Variants in MLXIP observed in about 807,000 individuals in gnomAD.
MLXIP encodes the protein MLX interacting protein.
In MLXIP, 30 loss-of-function variants were observed where a neutral mutation model predicts 87.2. The observed-to-expected ratio is 0.34, with a 90% CI of 0.26 to 0.47. The LOEUF is 0.47. MLXIP is among the 20% of genes least tolerant of loss of function. The probability of loss-of-function intolerance (pLI) is 1.00; values close to 1 mark genes in which losing one functional copy is unlikely to be tolerated. For missense variants in MLXIP, 1,002 were observed against 1,240.1 expected (o/e 0.81, Z 2.88); for synonymous variants, 530 against 514.0 (o/e 1.03, Z -0.42).
chr12:122,141,093 G>A lies in MLXIP; in HGVS notation c.2638+10G>A. 6.2e-7 allele frequency: 1 copy of A among 1,604,114 alleles called. No individual in the cohort carries two copies. The highest frequency in any genetic ancestry group is 8.5e-7 in the Non-Finnish European group (1 of 1,176,530). On this transcript the variant is annotated intron_variant, in intron 16 of 16. Transcript: ENST00000319080. The stretch of plus-strand genomic sequence containing the variant: ...CCCATCCTCAGGCCGAGTGAGTGGG[G>A]CAGTGCCAGGGTGGGGGGCTTCATG...
chr12:122,085,836 G>A (rs893209733), intron 1 of MLXIP, among the ~76,000 whole-genome samples: 4 of 152,126 alleles, frequency 2.6e-5, no homozygotes, highest in African/African-American at 4.8e-5. Flanking sequence ...ATGGCCCCCC[G>A]AAGATGTGCA....
intron 15 of MLXIP, among the ~76,000 whole-genome samples, chr12:122,139,754 C>T (rs964010451): frequency 1.3e-5 from 2 of 152,294 alleles, no homozygotes; most frequent in East Asian, 1.9e-4. Context: ...TTCACTGCAG[C>T]CTCCACCTTC....
At chr12:122,139,874 A>T (rs1335097532) in intron 15 of MLXIP, among the ~76,000 whole-genome samples, 1 of 152,136 alleles carries the variant, frequency 6.6e-6, no homozygotes, top group Non-Finnish European at 1.5e-5. Context: ...GGGTTTCACC[A>T]TTTTGGCCAG....
chr12:122,094,527 TGTG>T (rs1448321996), intron 1 of MLXIP, among the ~76,000 whole-genome samples: 1 of 121,810 alleles, frequency 8.2e-6, no homozygotes, highest in Non-Finnish European at 1.8e-5. Context: ...GTGTGTGTGT[TGTG>T]TGTGGTGTGT....
At position 122,133,576 on chromosome 12, in the gene MLXIP, C is replaced by T. The variant is rs1386544100; in HGVS notation, c.1321C>T (p.Pro441Ser). The T allele has an allele frequency of 6.2e-7, 1 of 1,605,722 alleles. No homozygotes were observed. Among genetic ancestry groups the T allele is most frequent in the East Asian group, 2.3e-5 (1 of 44,262 alleles). The change falls in exon 9 of 17, where the codon CCC becomes TCC. Residue 441 changes from proline to serine, a missense_variant. By Grantham distance (74) the Pro-to-Ser change is moderately conservative (BLOSUM62 -1). Coordinates refer to ENST00000319080, the MANE Select transcript of MLXIP (RefSeq NM_014938.6). The surrounding 1 kb of genome is among the most constrained non-coding windows in gnomAD (Gnocchi z 4.9). ...CACCATGCCCCTGCTGTCTCCCAGC[C>T]CCGCCCCACCGCCCATCTCCCCCGT... ...VFTMPLLSPS[P>S]APPPISPVLP...
rs913841013 is a variant in MLXIP, at chr12:122,079,280, C to A, written c.413+14C>A. ...TTTGGCCTACAGGTAGGGACCCCCG[C>A]GACCCCCTGAGGCCCCGGCCGGAGG... On this transcript the variant is annotated intron_variant, in intron 1 of 16. Coordinates refer to ENST00000319080, the MANE Select transcript of MLXIP (RefSeq NM_014938.6). 54 of 1,546,714 alleles carry A rather than the reference C, an allele frequency of 3.5e-5. No homozygotes were observed. The highest frequency in any genetic ancestry group is 1.7e-4 in the Middle Eastern group (1 of 6,006).
Position 122,143,585 on chromosome 12 carries a change from C to G in MLXIP, c.*1773C>G, listed in dbSNP as rs969690703. On this transcript the variant is annotated 3_prime_UTR_variant, in exon 17 of 17. Transcript: ENST00000319080. ...GAGGCCACCGTGGTAGGAATTCCAC[C>G]AAGGCCAGAAGGGAAAAAGGAAGAA... The G allele has an allele frequency of 1.3e-5, 2 of 152,306 alleles. No homozygotes were observed. The highest frequency in any genetic ancestry group is 4.8e-5 in the African/African-American group (2 of 41,452). 9.4% of individuals were successfully genotyped at this position (152,306 alleles called of 1,614,324 possible). A position where few individuals can be genotyped will look rare whatever the true frequency, so the allele number is the denominator to read the frequency against.
rs1274515942 is a variant in MLXIP, at chr12:122,142,289, G to T, written c.*477G>T. The T allele has an allele frequency of 1.5e-6, 1 of 688,594 alleles. No individual in the cohort carries two copies. Among genetic ancestry groups the T allele is most frequent in the Non-Finnish European group, 2.7e-6 (1 of 376,476 alleles). 42.7% of individuals were successfully genotyped at this position (688,594 alleles called of 1,614,324 possible). A position where few individuals can be genotyped will look rare whatever the true frequency, so the allele number is the denominator to read the frequency against. On this transcript the variant is annotated 3_prime_UTR_variant, in exon 17 of 17. Coordinates refer to ENST00000319080, the MANE Select transcript of MLXIP (RefSeq NM_014938.6). ...CTCTGGTCTGCCCGTGGGGCAGTTG[G>T]AAGGCGTCTTTCTTTCTCCCCTCAA...
At chr12:122,121,925 G>T (rs1380520664) in intron 1 of MLXIP, among the ~76,000 whole-genome samples, 1 of 152,184 alleles carries the variant, frequency 6.6e-6, no homozygotes, top group Non-Finnish European at 1.5e-5. Context: ...GGAAAATTTA[G>T]CATTCATTTA....
chr12:122,093,202 GGT>G (rs1426988125), intron 1 of MLXIP, among the ~76,000 whole-genome samples: 1 of 148,260 alleles, frequency 6.7e-6, no homozygotes, highest in South Asian at 2.1e-4. Context: ...GTCTGTGTGT[GGT>G]GTGTGTTGGT....
At chr12:122,101,702 TC>T (rs1952441370) in intron 1 of MLXIP, among the ~76,000 whole-genome samples, 1 of 150,440 alleles carries the variant, frequency 6.6e-6, no homozygotes, top group African/African-American at 2.5e-5. Flanking sequence ...TGCCGCAGCC[TC>T]CCGAGTAGCT....
chr12:122,111,685 G>A (rs1332183275), intron 1 of MLXIP, among the ~76,000 whole-genome samples: 1 of 152,036 alleles, frequency 6.6e-6, no homozygotes, highest in Non-Finnish European at 1.5e-5. Context: ...TGCGTGATTT[G>A]GTTTTGTTTT....
chr12:122,141,462 A>G (rs970116885), intron 16 of MLXIP, among the ~76,000 whole-genome samples: 3 of 152,180 alleles, frequency 2.0e-5, no homozygotes, highest in Non-Finnish European at 4.4e-5. Flanking sequence ...CAGGAACAGC[A>G]TAGGATGCTC....
chr12:122,109,261 G>T (rs1952566681), intron 1 of MLXIP, among the ~76,000 whole-genome samples: 1 of 152,212 alleles, frequency 6.6e-6, no homozygotes, highest in Non-Finnish European at 1.5e-5. Context: ...TAGTGACGGG[G>T]TTGCACTGTG....
chr12:122,141,959 G>T lies in MLXIP; in HGVS notation c.*147G>T. The T allele has an allele frequency of 7.8e-7, 1 of 1,277,284 alleles. No homozygotes were observed. The highest frequency in any genetic ancestry group is 1.4e-5 in the South Asian group (1 of 69,756). The allele number at this position is 1,277,284 out of a possible 1,614,324, so 79.1% of individuals were successfully genotyped here. A position where few individuals can be genotyped will look rare whatever the true frequency, so the allele number is the denominator to read the frequency against. ...GCCCACCGTGGCATCGGGAGGCCATGCTCAGGTCTGAAGCAGGTTTGGGGC... is the reference window on the plus strand; with the variant it reads ...GCCCACCGTGGCATCGGGAGGCCATTCTCAGGTCTGAAGCAGGTTTGGGGC... On this transcript the variant is annotated 3_prime_UTR_variant, in exon 17 of 17. Coordinates refer to ENST00000319080, the MANE Select transcript of MLXIP (RefSeq NM_014938.6).
Position 122,078,758 on chromosome 12 carries a change from T to A in MLXIP, c.-96T>A. On this transcript the variant is annotated 5_prime_UTR_variant, in exon 1 of 17. Transcript: ENST00000319080. ...CGCCGCGCCGCGCGCTCGCGGACAG[T>A]CGGCGCGCGGGCCGGGCCGGGCCGG... The A allele has an allele frequency of 1.0e-6, 1 of 977,010 alleles. No individual in the cohort carries two copies. The highest frequency in any genetic ancestry group is 1.2e-6 in the Non-Finnish European group (1 of 819,654). The allele number at this position is 977,010 out of a possible 1,614,324, so 60.5% of individuals were successfully genotyped here.
intron 7 of MLXIP, among the ~76,000 whole-genome samples, chr12:122,131,160 T>C (rs2135976710): frequency 6.6e-6 from 1 of 152,242 alleles, no homozygotes; most frequent in Non-Finnish European, 1.5e-5. Context: ...GCCGTGACTG[T>C]AAGCAGTTCT....
At chr12:122,104,385 C>T (rs895537669) in intron 1 of MLXIP, among the ~76,000 whole-genome samples, 2 of 152,110 alleles carry the variant, frequency 1.3e-5, no homozygotes, top group African/African-American at 4.8e-5. Context: ...TAGAATCAGA[C>T]AGTTTGTATC....
intron 1 of MLXIP, among the ~76,000 whole-genome samples, chr12:122,091,737 A>T (rs532600978): frequency 6.6e-6 from 1 of 152,328 alleles, no homozygotes; most frequent in South Asian, 2.1e-4. Context: ...CATCAACTGC[A>T]GTTGACTTGG....
Sources: allele counts gnomAD v4.1 joint callset (sites outside exome capture counted in the v4.1 genomes callset), GRCh38; gene constraint gnomAD v4.1.1; non-coding constraint Gnocchi (gnomAD v3.1); transcripts MANE v1.5; gene names NCBI Gene and HGNC (gene_info 2026-07-23, HGNC 2026-07-21).